NFIB: variants seen among roughly 807,000 people sequenced by gnomAD.
NFIB encodes nuclear factor I B.
NFIB carries 11 observed loss-of-function variants against 61.5 expected under a neutral mutation model. The observed-to-expected ratio is 0.18, with a 90% CI of 0.11 to 0.30. The LOEUF is 0.30. Ranked by LOEUF, NFIB falls within the 10% of genes least tolerant of loss-of-function variation. NFIB has a pLI of 1.00. For missense variants in NFIB, 471 were observed against 608.9 expected (o/e 0.77, Z 2.38); for synonymous variants, 260 against 216.5 (o/e 1.20, Z -1.76).
intron 2 of NFIB, among the ~76,000 whole-genome samples, chr9:14,253,331 G>C (rs1395602898): frequency 6.6e-6 from 1 of 152,190 alleles, no homozygotes; most frequent in Non-Finnish European, 1.5e-5. Flanking sequence ...CAAAGGGACT[G>C]AGTGGTCACC....
intron 3 of NFIB, among the ~76,000 whole-genome samples, chr9:14,168,669 G>A (rs897923303): frequency 9.2e-5 from 14 of 152,182 alleles, no homozygotes; most frequent in East Asian, 3.8e-4. Flanking sequence ...ATATCAGAGG[G>A]ATTAAGACAT....
At chr9:14,169,480 A>G (rs1187475543) in intron 3 of NFIB, among the ~76,000 whole-genome samples, 3 of 152,158 alleles carry the variant, frequency 2.0e-5, no homozygotes, top group African/African-American at 7.2e-5. Flanking sequence ...AAACCTGACC[A>G]TTGTTTCTTA....
the NFIB span, among the ~76,000 whole-genome samples, chr9:14,499,027 CGTGT>C: frequency 2.7e-5 from 4 of 150,542 alleles, no homozygotes; most frequent in Admixed American, 2.0e-4. Flanking sequence ...CACATGTGCA[CGTGT>C]GTGTGTGCAC....
the NFIB span, among the ~76,000 whole-genome samples, chr9:14,444,678 C>T: frequency 6.6e-6 from 1 of 152,114 alleles, no homozygotes; most frequent in Admixed American, 6.5e-5. Flanking sequence ...TAACATTTAC[C>T]AAATTTTGTC....
intron 10 of NFIB, 70 bp from the exon 11 acceptor site, chr9:14,088,396 A>G: frequency 1.5e-6 from 2 of 1,349,516 alleles, no homozygotes; most frequent in Non-Finnish European, 9.7e-7. Flanking sequence ...ATCTACAACA[A>G]TATGAGAAAT....
chr9:14,289,531 G>T lies in NFIB; in HGVS notation c.562+17458C>A, dbSNP rs543774901. On this transcript the variant is annotated intron_variant, in intron 2 of 10. Transcript: ENST00000380953. ...GAAGGTTATATTTTCCTATATATTT[G>T]GTATACCATATAGATATAGATAGAT... 2.0e-5 allele frequency among the ~76,000 whole-genome samples: 3 copies of T among 150,280 alleles called. No individual in the cohort carries two copies. In the South Asian group the frequency reaches 6.3e-4, roughly 32 times the overall value.
chr9:14,237,510 C>G (rs1377642245), intron 2 of NFIB, among the ~76,000 whole-genome samples: 1 of 152,148 alleles, frequency 6.6e-6, no homozygotes, highest in African/African-American at 2.4e-5. Context: ...TCTCATTAAA[C>G]AGAGCTGGTG....
In NFIB at chr9:14,088,162, A is replaced by ATTT. The variant is rs2033158858; in HGVS notation, c.*146_*147insAAA. On this transcript the variant is annotated 3_prime_UTR_variant, in exon 11 of 11. Transcript: ENST00000380953. ...TTTCCTTTTTTTTTATTTAAAAAAA[A>ATTT]AATTTCTTAAACTATTGTTGTGTTT... 7.1e-7 allele frequency: 1 copy of ATTT among 1,414,950 alleles called. No individual in the cohort carries two copies. Among genetic ancestry groups the ATTT allele is most frequent in the South Asian group, 1.6e-5 (1 of 62,160 alleles). The allele number at this position is 1,414,950 out of a possible 1,614,324, so 87.6% of individuals were successfully genotyped here. A position where few individuals can be genotyped will look rare whatever the true frequency, so the allele number is the denominator to read the frequency against.
At chr9:14,342,792 T>A (rs530758689) in intron 1 of NFIB, among the ~76,000 whole-genome samples, 1 of 152,208 alleles carries the variant, frequency 6.6e-6, no homozygotes, top group Non-Finnish European at 1.5e-5. Flanking sequence ...TGTATATGCA[T>A]GTGCATATGT....
chr9:14,388,347 C>A (rs1184434292), intron 1 of NFIB, among the ~76,000 whole-genome samples: 1 of 95,454 alleles, frequency 1.0e-5, no homozygotes, highest in Non-Finnish European at 2.2e-5. Flanking sequence ...AGAATGAGAC[C>A]TTTTCAAAAA....
intron 9 of NFIB, among the ~76,000 whole-genome samples, chr9:14,115,427 G>A (rs1433541678): frequency 6.6e-6 from 1 of 152,084 alleles, no homozygotes; most frequent in Non-Finnish European, 1.5e-5. Flanking sequence ...GCTGACAGTT[G>A]GGTGAAACCA....
rs5896629 is a variant in NFIB at position 14,348,338 on chromosome 9, G to GAA, written c.109-40820_109-40819dup. Among the ~76,000 whole-genome samples the GAA allele has an allele frequency of 2.1e-3, 315 of 146,542 alleles. 2 individuals carry two copies. Among genetic ancestry groups the GAA allele is most frequent in the African/African-American group, 6.1e-3 (243 of 40,144 alleles). ...GGGTTCTGTAGTAACTACCGGGGGT[G>GAA]AAAAAAAAAAAAGACCCCAAATTGG... On this transcript the variant is annotated intron_variant, in intron 1 of 8. Coordinates refer to the NFIB transcript ENST00000380934.
At chr9:14,468,476 C>T in the NFIB span, among the ~76,000 whole-genome samples, 2 of 152,150 alleles carry the variant, frequency 1.3e-5, no homozygotes, top group Non-Finnish European at 2.9e-5. Context: ...TTAGCTGGTA[C>T]CCAGGTTGGG....
rs149946442 is a variant in NFIB, at chr9:14,346,521, C to T, written c.109-39001G>A. Among the ~76,000 whole-genome samples, 18 of 152,236 alleles carry T rather than the reference C, an allele frequency of 1.2e-4. 1 individual carries two copies. The East Asian group carries it at 3.3e-3, about 28-fold the overall frequency. ...CAGCGTCCCCAGGCCCAGCAGTCCA[C>T]GCCACACCGTCGGCGACGGATTTCG... On this transcript the variant is annotated intron_variant, in intron 1 of 8. Transcript: ENST00000380934.
At chr9:14,340,833 C>T (rs2060940760) in intron 1 of NFIB, among the ~76,000 whole-genome samples, 1 of 151,966 alleles carries the variant, frequency 6.6e-6, no homozygotes, top group East Asian at 1.9e-4. Flanking sequence ...CTCAGGTGGT[C>T]CGGAAATGAG....
the NFIB span, among the ~76,000 whole-genome samples, chr9:14,411,570 C>G: frequency 2.6e-5 from 4 of 152,148 alleles, no homozygotes; most frequent in Admixed American, 2.0e-4. Context: ...GAAACCACCC[C>G]TTGTTAGTGG....
chr9:14,254,138 T>A lies in NFIB; in HGVS notation c.562+52851A>T, dbSNP rs138226224. 1.9e-3 allele frequency among the ~76,000 whole-genome samples: 287 copies of A among 151,868 alleles called. 1 individual carries two copies. Among genetic ancestry groups the A allele is most frequent in the African/African-American group, 6.5e-3 (268 of 41,410 alleles). ...CCAACATAGCAAAACCCCATTCTAG[T>A]AAAAGTACAAAAATTAGCCAGGCAT... On this transcript the variant is annotated intron_variant, in intron 2 of 10. Coordinates refer to ENST00000380953, the MANE Select transcript of NFIB (RefSeq NM_001190737.2).
chr9:14,158,746 T>G (rs1188951715), intron 3 of NFIB, among the ~76,000 whole-genome samples: 2 of 152,122 alleles, frequency 1.3e-5, no homozygotes, highest in African/African-American at 4.8e-5. Context: ...TGCTGAAGAG[T>G]GTATTTAGGC....
chr9:14,196,327 G>A (rs954447542), intron 2 of NFIB, among the ~76,000 whole-genome samples: 1 of 152,116 alleles, frequency 6.6e-6, no homozygotes, highest in African/African-American at 2.4e-5. Flanking sequence ...AAATCAAAGA[G>A]AGCTTTAAAA....
Sources: gnomAD v4.1 joint callset for allele counts (sites outside exome capture counted in the v4.1 genomes callset) on GRCh38, gnomAD v4.1.1 for gene constraint, MANE v1.5 for transcripts, NCBI Gene and HGNC (gene_info 2026-07-23, HGNC 2026-07-21) for gene names.